Variants in PIWIL1 observed in about 807,000 individuals in gnomAD.
PIWIL1 encodes the protein piwi like RNA-mediated gene silencing 1, also known as piwi-like protein 1.
Under a neutral mutation model 114.4 loss-of-function variants are expected in PIWIL1, and 73 were observed. That is an observed-to-expected ratio of 0.64 (90% CI 0.53 to 0.78). The LOEUF is 0.78. Ranked by LOEUF, PIWIL1 falls within the 30% of genes least tolerant of loss-of-function variation. The pLI is 0.00. For synonymous variants in PIWIL1, 375 were observed against 369.0 expected (o/e 1.02, Z -0.19); for missense variants, 723 against 1,063.1 (o/e 0.68, Z 4.45).
the PIWIL1 span, among the ~76,000 whole-genome samples, chr12:130,393,679 T>C: frequency 1.3e-5 from 2 of 151,584 alleles, no homozygotes; most frequent in African/African-American, 4.8e-5. Flanking sequence ...TTACCACTTT[T>C]CACTATTATA....
At chr12:130,397,870 T>TTG in the PIWIL1 span, 1 of 195,104 alleles carries the variant, frequency 5.1e-6, no homozygotes, top group Admixed American at 6.1e-5. Context: ...TGAAATTAGG[T>TTG]TGATAGTAAA....
chr12:130,391,308 C>T, the PIWIL1 span, among the ~76,000 whole-genome samples: 1 of 152,206 alleles, frequency 6.6e-6, no homozygotes, highest in Non-Finnish European at 1.5e-5. Context: ...TGGAAATTCT[C>T]GCTGGGGCCG....
the PIWIL1 span, among the ~76,000 whole-genome samples, chr12:130,417,754 TCAAAA>T: frequency 2.0e-5 from 3 of 152,134 alleles, no homozygotes; most frequent in African/African-American, 4.8e-5. Flanking sequence ...TTTTAAGAAA[TCAAAA>T]CAATTATTTT....
At chr12:130,402,974 A>C in the PIWIL1 span, among the ~76,000 whole-genome samples, 1 of 152,182 alleles carries the variant, frequency 6.6e-6, no homozygotes, top group African/African-American at 2.4e-5. Context: ...TAAATTATGA[A>C]ATAGCAAAAG....
chr12:130,372,301 A>G lies in PIWIL1; in HGVS notation c.*703A>G, dbSNP rs2073831769. On this transcript the variant is annotated 3_prime_UTR_variant, in exon 21 of 21. Transcript: ENST00000245255. Reference sequence around the variant, plus strand: ...CTGGGACATGATTCTATTTGTTATAAAATAAAATTGATGTGATTGTCACCT... The same window carrying G: ...CTGGGACATGATTCTATTTGTTATAGAATAAAATTGATGTGATTGTCACCT... 1 of 152,180 alleles carries G rather than the reference A, an allele frequency of 6.6e-6. No homozygotes were observed. The highest frequency in any genetic ancestry group is 2.4e-5 in the African/African-American group (1 of 41,444). 9.4% of individuals were successfully genotyped at this position (152,180 alleles called of 1,614,324 possible).
intron 12 of PIWIL1, 57 bp from the exon 13 acceptor site, chr12:130,356,861 G>A: frequency 1.6e-6 from 2 of 1,239,886 alleles, no homozygotes; most frequent in Non-Finnish European, 2.3e-6. Flanking sequence ...AAGACTGTTT[G>A]GCTTGATCAC....
intron 1 of PIWIL1, chr12:130,339,537 CG>C (rs1377095621): frequency 2.0e-5 from 3 of 152,286 alleles, no homozygotes; most frequent in African/African-American, 7.2e-5. Context: ...GGTAGCGAAT[CG>C]GAGAGGTGAT....
chr12:130,400,149 G>C, the PIWIL1 span, among the ~76,000 whole-genome samples: 5 of 152,258 alleles, frequency 3.3e-5, no homozygotes, highest in East Asian at 9.7e-4. Flanking sequence ...GGGCCTGGCT[G>C]ATCTGAGGCA....
At chr12:130,352,635 G>A (rs1390036490) in intron 9 of PIWIL1, among the ~76,000 whole-genome samples, 1 of 152,184 alleles carries the variant, frequency 6.6e-6, no homozygotes, top group East Asian at 1.9e-4. Flanking sequence ...AGCCGAGACA[G>A]CACTCCAGCC....
At chr12:130,408,687 G>A in the PIWIL1 span, among the ~76,000 whole-genome samples, 1 of 152,210 alleles carries the variant, frequency 6.6e-6, no homozygotes, top group Non-Finnish European at 1.5e-5. Context: ...AGACTGAAGG[G>A]GTGGGGCTGT....
At chr12:130,357,843 T>C (rs372306019) in intron 14 of PIWIL1, among the ~76,000 whole-genome samples, 12 of 152,194 alleles carry the variant, frequency 7.9e-5, no homozygotes, top group African/African-American at 2.9e-4. Context: ...ATTTGGAAAA[T>C]ACAGAAAAGC....
intron 2 of PIWIL1, 26 bp downstream of exon 2, chr12:130,342,695 CAGA>C (rs1451862708): frequency 6.4e-7 from 1 of 1,551,768 alleles, no homozygotes; most frequent in Non-Finnish European, 8.9e-7. Context: ...TTTCTGACTA[CAGA>C]AAATGTCTTT....
At chr12:130,343,610 A>T (rs2072986366) in intron 3 of PIWIL1, among the ~76,000 whole-genome samples, 1 of 145,240 alleles carries the variant, frequency 6.9e-6, no homozygotes, top group Non-Finnish European at 1.5e-5. Flanking sequence ...ATGTGGATGC[A>T]TTGAAGGATT....
chr12:130,356,206 T>A (rs1039667231), intron 12 of PIWIL1, among the ~76,000 whole-genome samples: 1 of 152,150 alleles, frequency 6.6e-6, no homozygotes, highest in East Asian at 1.9e-4. Flanking sequence ...ATACCTTTTA[T>A]GTTTCATTTT....
the PIWIL1 span, among the ~76,000 whole-genome samples, chr12:130,395,310 A>C: frequency 4.5e-4 from 69 of 152,310 alleles, no homozygotes; most frequent in African/African-American, 1.3e-3. Flanking sequence ...CATCACCAGA[A>C]AAGGGAGATT....
chr12:130,342,168 G>GTC (rs1370167245), intron 1 of PIWIL1: 2 of 117,370 alleles, frequency 1.7e-5, no homozygotes, highest in East Asian at 3.5e-4. Context: ...GTGTGTGTGT[G>GTC]TGTGTGTGTG....
chr12:130,355,149 G>A (rs1384689766), intron 11 of PIWIL1, 144 bp downstream of exon 11: 8 of 683,778 alleles, frequency 1.2e-5, no homozygotes, highest in South Asian at 8.8e-5. Context: ...TGTTCTTCGT[G>A]TTTCTAAGCA....
intron 3 of PIWIL1, among the ~76,000 whole-genome samples, chr12:130,343,917 G>A (rs773821791): frequency 1.3e-5 from 2 of 152,136 alleles, no homozygotes; most frequent in African/African-American, 4.8e-5. Context: ...GTGAGCCACC[G>A]CACCCGGCCC....
the PIWIL1 span, among the ~76,000 whole-genome samples, chr12:130,409,535 G>A: frequency 2.6e-5 from 4 of 151,810 alleles, no homozygotes; most frequent in South Asian, 2.1e-4. Flanking sequence ...TTGTATAGAC[G>A]GGGTTTCACC....
Sources: allele counts gnomAD v4.1 joint callset (sites outside exome capture counted in the v4.1 genomes callset), GRCh38; gene constraint gnomAD v4.1.1; transcripts MANE v1.5; gene names NCBI Gene and HGNC (gene_info 2026-07-23, HGNC 2026-07-21).